The following MCHR2 variants were observed in gnomAD, a reference collection of about 807,000 sequenced individuals.
MCHR2 encodes melanin concentrating hormone receptor 2.
MCHR2 carries 15 observed loss-of-function variants against 24.8 expected under a neutral mutation model. The ratio of observed to expected loss-of-function variants is 0.60; its 90% CI spans 0.40 to 0.93. The LOEUF (loss-of-function observed/expected upper bound fraction) is 0.93, where lower values mean the gene tolerates loss of function less well. Ranked by LOEUF, MCHR2 falls within the 40% of genes least tolerant of loss-of-function variation. The probability of loss-of-function intolerance (pLI) is 0.00; values close to 1 mark genes in which losing one functional copy is unlikely to be tolerated. For missense variants in MCHR2, 386 were observed against 408.7 expected, an observed-to-expected ratio of 0.94 and a Z score of 0.48; for synonymous variants, 151 against 147.6, an observed-to-expected ratio of 1.02 and a Z score of -0.17.
At chr6:99,982,115 A>G (rs968376340) in intron 1 of MCHR2, among the ~76,000 whole-genome samples, 1 of 152,094 alleles carries the variant, frequency 6.6e-6, no homozygotes, top group Non-Finnish European at 1.5e-5. Flanking sequence ...CAGATGGAAC[A>G]TCGGGTTTTC....
chr6:99,959,262 A>G (rs888863659), intron 1 of MCHR2, among the ~76,000 whole-genome samples: 1 of 152,082 alleles, frequency 6.6e-6, no homozygotes, highest in East Asian at 1.9e-4. Flanking sequence ...GCGTTTCAGG[A>G]AAAAAGAAAT....
intron 1 of MCHR2, among the ~76,000 whole-genome samples, chr6:99,964,718 C>G (rs1775259971): frequency 6.6e-6 from 1 of 151,998 alleles, no homozygotes; most frequent in Non-Finnish European, 1.5e-5. Flanking sequence ...GGGTGGGATA[C>G]AGCCAAACCA....
In MCHR2 at chr6:99,920,892, A is replaced by G. The variant is rs199775434; in HGVS notation, c.*48T>C. ...TACACCTGCCCTTTCTGATAATACC[A>G]GTAAGATAGACAATCATGTCTAGAC... is the stretch of plus-strand genomic sequence containing the variant. On this transcript the variant is annotated 3_prime_UTR_variant, in exon 6 of 6. Coordinates refer to ENST00000281806, the MANE Select transcript of MCHR2 (RefSeq NM_001040179.2). The G allele has an allele frequency of 1.9e-6, 3 of 1,563,204 alleles. No individual in the cohort carries two copies. The highest frequency in any genetic ancestry group is 2.7e-5 in the African/African-American group (2 of 73,782).
At chr6:99,944,928 G>A (rs374194940) in intron 3 of MCHR2, among the ~76,000 whole-genome samples, 23 of 152,220 alleles carry the variant, frequency 1.5e-4, no homozygotes, top group African/African-American at 5.5e-4. Flanking sequence ...TTCAAGGTTA[G>A]GCACTTGCTG....
intron 2 of MCHR2, among the ~76,000 whole-genome samples, chr6:99,954,285 G>A (rs1396271683): frequency 6.6e-6 from 1 of 152,110 alleles, no homozygotes; most frequent in Non-Finnish European, 1.5e-5. Flanking sequence ...TAGTACTGCT[G>A]TGCTTTTTAA....
At chr6:99,981,815 C>A (rs778324771) in intron 1 of MCHR2, among the ~76,000 whole-genome samples, 5 of 152,120 alleles carry the variant, frequency 3.3e-5, no homozygotes, top group Non-Finnish European at 7.4e-5. Flanking sequence ...AAGAAACAGT[C>A]GGTGATTAAT....
rs71566306 is a variant in MCHR2 at position 99,919,977 on chromosome 6, C to T, written c.*963G>A. The T allele has an allele frequency of 6.6e-6, 1 of 152,292 alleles. No homozygotes were observed. The highest frequency in any genetic ancestry group is 1.9e-4 in the East Asian group (1 of 5,172). 9.4% of individuals were successfully genotyped at this position (152,292 alleles called of 1,614,324 possible). A position where few individuals can be genotyped will look rare whatever the true frequency, so the allele number is the denominator to read the frequency against. ...TTCTGACTTTGTGATCCACCTGCCT[C>T]CACCTCCCAAAGTGCTGGGATTACA... On this transcript the variant is annotated 3_prime_UTR_variant, in exon 6 of 6. Coordinates refer to ENST00000281806, the MANE Select transcript of MCHR2 (RefSeq NM_001040179.2).
intron 5 of MCHR2, among the ~76,000 whole-genome samples, chr6:99,927,279 A>G (rs1214084126): frequency 1.3e-5 from 2 of 152,192 alleles, no homozygotes; most frequent in Non-Finnish European, 2.9e-5. Context: ...TGATGCCTCC[A>G]GCTTTGTTCT....
intron 2 of MCHR2, among the ~76,000 whole-genome samples, chr6:99,953,454 G>A (rs1379971756): frequency 6.6e-6 from 1 of 151,914 alleles, no homozygotes; most frequent in African/African-American, 2.4e-5. Flanking sequence ...ATGGGAGTGA[G>A]CTAGAAACAT....
intron 5 of MCHR2, among the ~76,000 whole-genome samples, chr6:99,921,816 A>G (rs1290744849): frequency 3.3e-5 from 5 of 152,042 alleles, no homozygotes; most frequent in Admixed American, 2.0e-4. Flanking sequence ...TCTACTCTCT[A>G]TGTCCATGAG....
intron 4 of MCHR2, 124 bp downstream of exon 4, chr6:99,942,825 A>G (rs1774797960): frequency 1.4e-6 from 1 of 699,084 alleles, no homozygotes; most frequent in African/African-American, 1.8e-5. Flanking sequence ...GAGAAACCTA[A>G]TGGAGATACT....
At chr6:99,972,308 G>T (rs1380907109) in intron 1 of MCHR2, among the ~76,000 whole-genome samples, 1 of 152,164 alleles carries the variant, frequency 6.6e-6, no homozygotes, top group Non-Finnish European at 1.5e-5. Flanking sequence ...ATGTGTCGAG[G>T]AATTTATCCA....
At chr6:99,963,997 C>T (rs755481160) in intron 1 of MCHR2, among the ~76,000 whole-genome samples, 5 of 152,076 alleles carry the variant, frequency 3.3e-5, no homozygotes, top group African/African-American at 9.7e-5. Context: ...ACAAAACAGG[C>T]ATCCAGCTGG....
chr6:99,941,555 T>C (rs1774772017), intron 4 of MCHR2, among the ~76,000 whole-genome samples: 6 of 152,102 alleles, frequency 3.9e-5, no homozygotes, highest in Admixed American at 3.9e-4. Context: ...TGGGAACTAA[T>C]TAAGTCATGA....
chr6:99,925,986 G>GC (rs1562116734), intron 5 of MCHR2, among the ~76,000 whole-genome samples: 1 of 150,748 alleles, frequency 6.6e-6, no homozygotes, highest in East Asian at 1.9e-4. Flanking sequence ...CCTTCCCCCT[G>GC]CCCCCACCCC....
intron 4 of MCHR2, among the ~76,000 whole-genome samples, chr6:99,937,211 C>G (rs1453726906): frequency 6.6e-6 from 1 of 151,794 alleles, no homozygotes; most frequent in Non-Finnish European, 1.5e-5. Context: ...TTTCTCTTGC[C>G]TAATTGCTCT....
chr6:99,937,380 C>CTT (rs1774683735), intron 4 of MCHR2, among the ~76,000 whole-genome samples: 1 of 151,778 alleles, frequency 6.6e-6, no homozygotes, highest in Non-Finnish European at 1.5e-5. Flanking sequence ...AGGTATGTTC[C>CTT]TTTTATAACC....
In MCHR2 at chr6:99,989,895, A is replaced by G. The variant is rs1775836846; in HGVS notation, c.-28+4041T>C. The stretch of plus-strand genomic sequence containing the variant: ...GTTTTTATATGTGCTCCGTGAAATA[A>G]TCTCCCTCAAAGAGAGCAGCTTCTT... On this transcript the variant is annotated intron_variant, in intron 1 of 5. Transcript: ENST00000281806. Among the ~76,000 whole-genome samples the G allele has an allele frequency of 2.6e-5, 4 of 152,266 alleles. No individual in the cohort carries two copies. The East Asian group carries it at 7.7e-4, about 29-fold the overall frequency.
At chr6:99,944,464 C>T (rs894623571) in intron 3 of MCHR2, among the ~76,000 whole-genome samples, 1 of 152,122 alleles carries the variant, frequency 6.6e-6, no homozygotes, top group East Asian at 1.9e-4. Flanking sequence ...TGAAGACTCA[C>T]AAAAATAACA....
Sources: allele counts gnomAD v4.1 joint callset (sites outside exome capture counted in the v4.1 genomes callset), GRCh38; gene constraint gnomAD v4.1.1; transcripts MANE v1.5; gene names NCBI Gene and HGNC (gene_info 2026-07-23, HGNC 2026-07-21).